The following FANK1 variants were observed in gnomAD, a reference collection of about 807,000 sequenced individuals.
FANK1 encodes the protein fibronectin type 3 and ankyrin repeat domains protein 1.
In FANK1, 44 loss-of-function variants were observed where a neutral mutation model predicts 45.3. The observed-to-expected ratio is 0.97, with a 90% CI of 0.76 to 1.25. The LOEUF (loss-of-function observed/expected upper bound fraction) is 1.25. Ranked by LOEUF, FANK1 falls within the 50% of genes most tolerant of loss-of-function variation. The pLI is 0.00. For synonymous variants in FANK1, 149 were observed against 152.5 expected, an observed-to-expected ratio of 0.98 and a Z score of 0.17; for missense variants, 391 against 424.4, an observed-to-expected ratio of 0.92 and a Z score of 0.69.
intron 4 of FANK1, among the ~76,000 whole-genome samples, chr10:125,995,958 A>G (rs1384266708): frequency 6.6e-6 from 1 of 152,250 alleles, no homozygotes; most frequent in Non-Finnish European, 1.5e-5. Flanking sequence ...TTCTACATGA[A>G]AAGTAGATGT....
Position 125,962,987 on chromosome 10 carries a change from G to GT in FANK1, c.14-17159dup, listed in dbSNP as rs66624013. Among the ~76,000 whole-genome samples the GT allele has an allele frequency of 6.8e-3, 953 of 140,692 alleles. 7 individuals are homozygous for GT. Among genetic ancestry groups the GT allele is most frequent in the African/African-American group, 0.016 (627 of 38,232 alleles). 92.3% of individuals were successfully genotyped at this position (140,692 alleles called of 152,430 possible). On this transcript the variant is annotated intron_variant, in intron 1 of 10. Coordinates refer to ENST00000368693, the MANE Select transcript of FANK1 (RefSeq NM_145235.5). ...TTGATACATTATTATTATTACTGTG[G>GT]TTTTTTTTTTTTTTTCAGATGGAGT...
At position 125,896,568 on chromosome 10, in the gene FANK1, G is replaced by T. The variant is rs1174099655; in HGVS notation, c.-75G>T. On this transcript the variant is annotated 5_prime_UTR_variant, in exon 1 of 11. Transcript: ENST00000368693. ...TCGCCTCCGGGTTGTCAGGGCAACC[G>T]TAGCGACGCCGGCCCTGGCTGAGAG... 6 of 1,243,674 alleles carry T rather than the reference G, an allele frequency of 4.8e-6. No individual in the cohort carries two copies. The highest frequency in any genetic ancestry group is 4.6e-5 in the African/African-American group (3 of 64,702). 77.0% of individuals were successfully genotyped at this position (1,243,674 alleles called of 1,614,324 possible).
chr10:125,994,906 C>A (rs983279088), intron 3 of FANK1: 40 of 985,286 alleles, frequency 4.1e-5, no homozygotes, highest in Admixed American at 6.1e-5. Context: ...TCCCCACCTT[C>A]CTGTGGGTCG....
At position 126,009,265 on chromosome 10, in the gene FANK1, A is replaced by G; in HGVS notation, c.971A>G (p.Gln324Arg). ...GAAATGGCCAGAGTTTTTGACAGAC[A>G]GGTTGGGATGCTCTTTCTGCCTATC... Reference protein sequence around the residue: ...VLEMARVFDRQSVVSLLEERK... With the variant: ...VLEMARVFDRRSVVSLLEERK... The change falls in exon 10 of 11, where the codon CAG becomes CGG. Residue 324 changes from glutamine to arginine, a missense_variant and splice_region_variant. Gln to Arg is a conservative substitution (Grantham distance 43, BLOSUM62 1). Transcript: ENST00000368693. 1 of 1,614,208 alleles carries G rather than the reference A, an allele frequency of 6.2e-7. No individual in the cohort carries two copies. The highest frequency in any genetic ancestry group is 8.5e-7 in the Non-Finnish European group (1 of 1,180,046).
chr10:125,901,616 G>C (rs1945042529), intron 1 of FANK1, among the ~76,000 whole-genome samples: 1 of 152,138 alleles, frequency 6.6e-6, no homozygotes, highest in Admixed American at 6.5e-5. Flanking sequence ...TCAGGACTGT[G>C]GCTCTGAACA....
At chr10:125,934,895 G>A (rs552465542) in intron 1 of FANK1, among the ~76,000 whole-genome samples, 1 of 152,186 alleles carries the variant, frequency 6.6e-6, no homozygotes, top group East Asian at 1.9e-4. Context: ...CTGCTCGGGA[G>A]CAGCTGGTGC....
rs192953756 is a variant in FANK1, at chr10:125,933,624, A to G, written c.13+36969A>G. Among the ~76,000 whole-genome samples, 172 of 151,818 alleles carry G rather than the reference A, an allele frequency of 1.1e-3. 1 individual carries two copies. Among genetic ancestry groups the G allele is most frequent in the Non-Finnish European group, 8.5e-4 (58 of 67,930 alleles). ...TGTTTCGTCTTTTTTGTTTGTTTCA[A>G]TTTCATTTAGTTCTGCTCGGATCTT... On this transcript the variant is annotated intron_variant, in intron 1 of 10. Transcript: ENST00000368693.
intron 1 of FANK1, among the ~76,000 whole-genome samples, chr10:125,933,736 G>A (rs1053753581): frequency 6.6e-6 from 1 of 151,974 alleles, no homozygotes; most frequent in African/African-American, 2.4e-5. Flanking sequence ...GTGTCAGTTT[G>A]CACTTTTTCA....
intron 2 of FANK1, among the ~76,000 whole-genome samples, chr10:125,987,671 A>G (rs909672206): frequency 1.3e-5 from 2 of 152,160 alleles, no homozygotes; most frequent in Non-Finnish European, 2.9e-5. Context: ...GAAATGGGTA[A>G]CATGGAGGTT....
intron 3 of FANK1, among the ~76,000 whole-genome samples, chr10:125,993,606 C>A (rs1388770528): frequency 6.6e-6 from 1 of 152,180 alleles, no homozygotes; most frequent in Non-Finnish European, 1.5e-5. Context: ...GCCAAATGTC[C>A]TCTGGGGTAT....
chr10:125,968,054 G>T (rs1452505813), intron 1 of FANK1, among the ~76,000 whole-genome samples: 3 of 151,632 alleles, frequency 2.0e-5, no homozygotes, highest in African/African-American at 7.3e-5. Flanking sequence ...AGGTAAAATG[G>T]TACCTTACAG....
chr10:125,942,125 T>A (rs1255883380), intron 1 of FANK1, among the ~76,000 whole-genome samples: 1 of 152,180 alleles, frequency 6.6e-6, no homozygotes, highest in African/African-American at 2.4e-5. Context: ...AGCCTCTGTA[T>A]ATAAAGAGTA....
intron 7 of FANK1, among the ~76,000 whole-genome samples, chr10:126,006,709 A>T (rs571045245): frequency 2.6e-5 from 4 of 152,268 alleles, no homozygotes; most frequent in Admixed American, 6.5e-5. Flanking sequence ...AAAATACAAA[A>T]ATTAGCCAGG....
At chr10:125,961,220 C>T (rs1949906013) in intron 1 of FANK1, among the ~76,000 whole-genome samples, 1 of 152,222 alleles carries the variant, frequency 6.6e-6, no homozygotes, top group Non-Finnish European at 1.5e-5. Flanking sequence ...AATCCTCGTA[C>T]TTCAGCCTCC....
chr10:125,972,617 T>C (rs1394541660), intron 1 of FANK1: 2 of 152,176 alleles, frequency 1.3e-5, no homozygotes, highest in Admixed American at 1.3e-4. Context: ...CCAGGTCCTA[T>C]CTGGCAATAA....
At chr10:125,906,150 T>C (rs551974860) in intron 1 of FANK1, among the ~76,000 whole-genome samples, 1 of 152,334 alleles carries the variant, frequency 6.6e-6, no homozygotes, top group East Asian at 1.9e-4. Context: ...CTGGCTAGTC[T>C]TTAATATTCT....
At chr10:126,002,052 C>T (rs1280529995) in intron 6 of FANK1, among the ~76,000 whole-genome samples, 1 of 152,014 alleles carries the variant, frequency 6.6e-6, no homozygotes, top group Non-Finnish European at 1.5e-5. Context: ...GTGGCTCACG[C>T]CTGTAATCCC....
chr10:125,925,566 G>T (rs1464020649), intron 1 of FANK1, among the ~76,000 whole-genome samples: 2 of 152,030 alleles, frequency 1.3e-5, no homozygotes, highest in Non-Finnish European at 2.9e-5. Context: ...CCAAATAATT[G>T]TTTTTATTTC....
chr10:125,900,631 T>C (rs1292240011), intron 1 of FANK1, among the ~76,000 whole-genome samples: 1 of 151,996 alleles, frequency 6.6e-6, no homozygotes, highest in African/African-American at 2.4e-5. Context: ...CTTTCTGTTT[T>C]TTTTTGTTTG....
Sources: allele counts gnomAD v4.1 joint callset (sites outside exome capture counted in the v4.1 genomes callset), GRCh38; gene constraint gnomAD v4.1.1; transcripts MANE v1.5; gene names NCBI Gene and HGNC (gene_info 2026-07-23, HGNC 2026-07-21).